IFT74: variants seen among roughly 807,000 people sequenced by gnomAD.
The protein encoded by IFT74 is intraflagellar transport 74, also known as intraflagellar transport protein 74 homolog.
In IFT74, 92 loss-of-function variants were observed where a neutral mutation model predicts 96.7. That is an observed-to-expected ratio of 0.95 (90% CI 0.80 to 1.13). The LOEUF (loss-of-function observed/expected upper bound fraction) is 1.13. IFT74 is among the 50% of genes most tolerant of loss of function. The probability of loss-of-function intolerance (pLI) is 0.00; values close to 1 mark genes in which losing one functional copy is unlikely to be tolerated. For synonymous variants in IFT74, 223 were observed against 213.2 expected (o/e 1.05, Z -0.40); for missense variants, 811 against 698.2 (o/e 1.16, Z -1.82).
At chr9:27,041,555 C>T (rs947248820) in intron 13 of IFT74, among the ~76,000 whole-genome samples, 1 of 152,038 alleles carries the variant, frequency 6.6e-6, no homozygotes, top group Admixed American at 6.6e-5. Flanking sequence ...TTCCTTTTAC[C>T]GTTGTGTCCC....
At chr9:26,961,083 G>A (rs979610290) in intron 1 of IFT74, among the ~76,000 whole-genome samples, 1 of 118,510 alleles carries the variant, frequency 8.4e-6, no homozygotes, top group East Asian at 2.4e-4. Flanking sequence ...AGTGAATCTT[G>A]TTTTTTTTTT....
intron 9 of IFT74, among the ~76,000 whole-genome samples, chr9:27,010,646 C>A (rs1000090928): frequency 6.6e-6 from 1 of 151,892 alleles, no homozygotes; most frequent in African/African-American, 2.4e-5. Flanking sequence ...CCCGCCACCA[C>A]GCCTGGCCAA....
chr9:27,054,116 G>A (rs73438237), intron 16 of IFT74, among the ~76,000 whole-genome samples: 3 of 152,162 alleles, frequency 2.0e-5, no homozygotes, highest in African/African-American at 7.2e-5. Context: ...AAAAATTTTG[G>A]TTGGATAACA....
chr9:27,037,519 C>T (rs1382655582), intron 13 of IFT74, among the ~76,000 whole-genome samples: 1 of 152,152 alleles, frequency 6.6e-6, no homozygotes, highest in African/African-American at 2.4e-5. Context: ...TCAAGAAACT[C>T]AGAAGACAAA....
intron 9 of IFT74, among the ~76,000 whole-genome samples, chr9:27,011,612 C>CTAAG (rs1261729637): frequency 2.1e-4 from 31 of 147,696 alleles, no homozygotes; most frequent in Middle Eastern, 3.5e-3. Context: ...GTGAAAAGGT[C>CTAAG]TAAGGTCTAG....
At chr9:26,979,364 G>C (rs539086178) in intron 3 of IFT74, among the ~76,000 whole-genome samples, 1 of 151,906 alleles carries the variant, frequency 6.6e-6, no homozygotes, top group Non-Finnish European at 1.5e-5. Context: ...AAAACATCGA[G>C]GGTAAAAACA....
intron 10 of IFT74, among the ~76,000 whole-genome samples, chr9:27,016,142 C>A (rs12344612): frequency 0.025 from 3,865 of 152,276 alleles, 160 homozygotes; most frequent in African/African-American, 0.087. Flanking sequence ...TCTGAAATCA[C>A]GGTGTCAGCA....
chr9:27,027,839 T>C (rs1221770587), intron 12 of IFT74, among the ~76,000 whole-genome samples: 58 of 152,202 alleles, frequency 3.8e-4, no homozygotes, highest in Non-Finnish European at 2.9e-5. Context: ...TCTATTTTTC[T>C]TTTGTTGCTC....
At chr9:27,035,953 T>A (rs897139362) in intron 13 of IFT74, among the ~76,000 whole-genome samples, 2 of 152,184 alleles carry the variant, frequency 1.3e-5, no homozygotes, top group African/African-American at 4.8e-5. Flanking sequence ...AACTTTTGAC[T>A]CCATAAAAAC....
At chr9:27,027,637 G>C (rs1829927808) in intron 12 of IFT74, among the ~76,000 whole-genome samples, 1 of 152,008 alleles carries the variant, frequency 6.6e-6, no homozygotes, top group South Asian at 2.1e-4. Flanking sequence ...TAGTTCATTT[G>C]CTCATTTTTT....
chr9:26,968,143 C>T (rs1329086586), intron 2 of IFT74, among the ~76,000 whole-genome samples: 1 of 145,970 alleles, frequency 6.9e-6, no homozygotes, highest in East Asian at 2.0e-4. Context: ...TCTTCTATTT[C>T]TCAGAATAGT....
At chr9:26,970,386 A>T (rs7870787) in intron 2 of IFT74, among the ~76,000 whole-genome samples, 24,778 of 152,050 alleles carry the variant, frequency 0.16, 2,982 homozygotes, top group East Asian at 0.68. Context: ...ATGACTTTGG[A>T]CTGTTCCAAA....
intron 15 of IFT74, among the ~76,000 whole-genome samples, chr9:27,047,578 A>T (rs1819748081): frequency 6.6e-6 from 1 of 152,220 alleles, no homozygotes; most frequent in Non-Finnish European, 1.5e-5. Flanking sequence ...ATAGAGAAAA[A>T]GGATGACATG....
rs111958200 is a variant in IFT74, at chr9:27,003,289, G to A, written c.588-5731G>A. Reference sequence around the variant, plus strand: ...TGTAATCCCAGCACTTTGGGAGGCCGAGGCGGGCAGATCACCTGAGGTCAG... The same window carrying A: ...TGTAATCCCAGCACTTTGGGAGGCCAAGGCGGGCAGATCACCTGAGGTCAG... On this transcript the variant is annotated intron_variant, in intron 8 of 19. Coordinates refer to ENST00000380062, the MANE Select transcript of IFT74 (RefSeq NM_025103.4). Among the ~76,000 whole-genome samples the A allele has an allele frequency of 3.3e-3, 503 of 152,098 alleles. 2 individuals carry two copies. The highest frequency in any genetic ancestry group is 6.8e-3 in the Middle Eastern group (2 of 294).
chr9:26,992,996 A>G (rs1267544445), intron 8 of IFT74: 1 of 152,228 alleles, frequency 6.6e-6, no homozygotes, highest in Non-Finnish European at 1.5e-5. Context: ...TACAACAACA[A>G]TATGTAAGAC....
intron 13 of IFT74, among the ~76,000 whole-genome samples, chr9:27,040,371 T>G (rs1819417742): frequency 6.6e-6 from 1 of 151,670 alleles, no homozygotes; most frequent in East Asian, 1.9e-4. Context: ...GCCAACATAG[T>G]GAAACCCTGT....
chr9:27,002,446 T>C (rs1828550549), intron 8 of IFT74, among the ~76,000 whole-genome samples: 4 of 152,252 alleles, frequency 2.6e-5, no homozygotes, highest in Admixed American at 2.6e-4. Flanking sequence ...TTAAAGTCTT[T>C]AATCCATTTT....
chr9:27,022,395 A>G (rs952315661), intron 12 of IFT74, among the ~76,000 whole-genome samples: 4 of 152,044 alleles, frequency 2.6e-5, no homozygotes, highest in African/African-American at 7.2e-5. Flanking sequence ...TGGGAATTGC[A>G]TTGAACTTGT....
intron 8 of IFT74, among the ~76,000 whole-genome samples, chr9:27,003,852 T>A (rs1563965589): frequency 6.6e-6 from 1 of 152,244 alleles, no homozygotes; most frequent in African/African-American, 2.4e-5. Flanking sequence ...AGAAGAGGGA[T>A]GCCTAAATCA....
Sources: gnomAD v4.1 joint callset for allele counts (sites outside exome capture counted in the v4.1 genomes callset) on GRCh38, gnomAD v4.1.1 for gene constraint, MANE v1.5 for transcripts, NCBI Gene and HGNC (gene_info 2026-07-23, HGNC 2026-07-21) for gene names.